The following SIMC1 variants were observed in gnomAD, a reference collection of about 807,000 sequenced individuals.
SIMC1 encodes SUMO-interacting motif-containing protein 1.
A neutral mutation model predicts 82.3 loss-of-function variants in SIMC1; 55 were observed. That is an observed-to-expected ratio of 0.67 (90% CI 0.54 to 0.84). The LOEUF is 0.84. Ranked by LOEUF, SIMC1 falls within the 40% of genes least tolerant of loss-of-function variation. The probability of loss-of-function intolerance (pLI) is 0.00; values close to 1 mark genes in which losing one functional copy is unlikely to be tolerated. For synonymous variants in SIMC1, 353 were observed against 426.3 expected (o/e 0.83, Z 2.12); for missense variants, 915 against 1,107.2 (o/e 0.83, Z 2.46).
Position 176,295,052 on chromosome 5 carries a change from C to T in SIMC1, c.1454C>T (p.Pro485Leu). Residue 485 changes from proline (P) to leucine (L), a missense_variant, in exon 3 of 10, where the codon CCC (proline) becomes CTC (leucine). Transcript: ENST00000429602. ...TRENKGQKLE[P>L]IPHRRLRMVT... is the part of the protein sequence containing the mutation. The stretch of plus-strand genomic sequence containing the variant: ...CAGAACAAGGGTCAAAAATTAGAAC[C>T]CATCCCTCATCGAAGACTAAGAATG... 1.9e-6 allele frequency: 3 copies of T among 1,613,104 alleles called. No homozygotes were observed. Among genetic ancestry groups the T allele is most frequent in the South Asian group, 1.1e-5 (1 of 91,014 alleles).
chr5:176,248,117 A>G (rs10061697), intron 1 of SIMC1, among the ~76,000 whole-genome samples: 88,880 of 151,696 alleles, frequency 0.59, 26,259 homozygotes, highest in Middle Eastern at 0.62. Flanking sequence ...TATGAACTTT[A>G]AAGTAGTTTT....
At chr5:176,330,243 A>AT (rs1765582803) in intron 7 of SIMC1, among the ~76,000 whole-genome samples, 1 of 152,136 alleles carries the variant, frequency 6.6e-6, no homozygotes, top group Non-Finnish European at 1.5e-5. Flanking sequence ...TCTACTAAAA[A>AT]TAAAAAAATT....
intron 5 of SIMC1, 35 bp downstream of exon 5, chr5:176,313,880 G>A: frequency 8.1e-6 from 13 of 1,611,484 alleles, no homozygotes; most frequent in Non-Finnish European, 1.1e-5. Flanking sequence ...ATGAGAAGAG[G>A]TAAGGGATTA....
intron 4 of SIMC1, among the ~76,000 whole-genome samples, chr5:176,312,181 T>C (rs1561715933): frequency 6.6e-6 from 1 of 152,228 alleles, no homozygotes; most frequent in Non-Finnish European, 1.5e-5. Context: ...TATTCTAGGA[T>C]ACTGGAGAAC....
chr5:176,306,909 A>T (rs1387989154), intron 4 of SIMC1, among the ~76,000 whole-genome samples: 2 of 83,718 alleles, frequency 2.4e-5, no homozygotes, highest in East Asian at 3.1e-4. Flanking sequence ...AATTATCAAT[A>T]AAAAAATAAA....
At chr5:176,293,747 C>CAA (rs531149436) in intron 2 of SIMC1, among the ~76,000 whole-genome samples, 12 of 111,134 alleles carry the variant, frequency 1.1e-4, no homozygotes, top group African/African-American at 2.8e-4. Flanking sequence ...GACTTCATCT[C>CAA]AAAAAAAAAA....
intron 1 of SIMC1, among the ~76,000 whole-genome samples, chr5:176,268,796 C>T (rs1762307292): frequency 6.6e-6 from 1 of 152,148 alleles, no homozygotes; most frequent in Admixed American, 6.5e-5. Context: ...AATCAAAGAT[C>T]TGAAAAACAC....
chr5:176,312,996 C>A (rs1034403242), intron 4 of SIMC1: 2 of 160,236 alleles, frequency 1.2e-5, no homozygotes, highest in Non-Finnish European at 2.7e-5. Context: ...AAATAAAGGA[C>A]AGAGCTAGGT....
At chr5:176,300,226 A>G (rs1763984185) in intron 4 of SIMC1, among the ~76,000 whole-genome samples, 1 of 152,248 alleles carries the variant, frequency 6.6e-6, no homozygotes, top group South Asian at 2.1e-4. Flanking sequence ...CTGAACCCAA[A>G]GTTAGCAGAG....
At chr5:176,271,793 A>AT (rs1324861290) in intron 1 of SIMC1, among the ~76,000 whole-genome samples, 12 of 150,192 alleles carry the variant, frequency 8.0e-5, no homozygotes, top group Non-Finnish European at 3.0e-5. Flanking sequence ...TGATGTGATT[A>AT]TTACACATTA....
At chr5:176,272,405 T>C (rs1762484233) in intron 1 of SIMC1, among the ~76,000 whole-genome samples, 1 of 150,952 alleles carries the variant, frequency 6.6e-6, no homozygotes, top group Non-Finnish European at 1.5e-5. Context: ...ACATACAGAT[T>C]GGAAAGGAAG....
At chr5:176,308,971 A>G (rs1764543396) in intron 4 of SIMC1, 1 of 919,094 alleles carries the variant, frequency 1.1e-6, no homozygotes, top group South Asian at 1.3e-5. Context: ...AATTGCAACA[A>G]GAAAAGGAAG....
rs750271869 is a variant in SIMC1, at chr5:176,345,200, G to A, written c.2431G>A (p.Val811Met). The change falls in exon 10 of 10, where the codon GTG (valine) becomes ATG (methionine). Residue 811 changes from valine to methionine, a missense_variant. By Grantham distance (21) the Val-to-Met change is conservative. Coordinates refer to ENST00000429602, the MANE Select transcript of SIMC1 (RefSeq NM_001308195.2). ...HVLREHLRSS[V>M]IDRKDLIIKR... ...TCTTGCAGAACACTTAAGGAGTTCCGTGATCGACCGAAAGGACTTAATAAT... is the reference window on the plus strand; with the variant it reads ...TCTTGCAGAACACTTAAGGAGTTCCATGATCGACCGAAAGGACTTAATAAT... The A allele has an allele frequency of 9.9e-6, 16 of 1,613,714 alleles. No homozygotes were observed. The highest frequency in any genetic ancestry group is 1.6e-4 in the Middle Eastern group (1 of 6,084).
chr5:176,249,280 A>C (rs1368208331), intron 1 of SIMC1, among the ~76,000 whole-genome samples: 1 of 151,860 alleles, frequency 6.6e-6, no homozygotes, highest in East Asian at 1.9e-4. Flanking sequence ...CAATTTCAGA[A>C]CTTGTTATTG....
chr5:176,313,189 G>A (rs1308859602), intron 4 of SIMC1: 65 of 906,660 alleles, frequency 7.2e-5, no homozygotes, highest in Non-Finnish European at 9.4e-5. Context: ...AAGTTCATCA[G>A]TAGAGTGGAC....
At chr5:176,246,606 T>G (rs1761456144) in intron 1 of SIMC1, among the ~76,000 whole-genome samples, 1 of 151,884 alleles carries the variant, frequency 6.6e-6, no homozygotes, top group Admixed American at 6.6e-5. Context: ...CCTAGCTAAT[T>G]TTTTATTTAT....
At chr5:176,265,878 C>T (rs1762190622) in intron 1 of SIMC1, among the ~76,000 whole-genome samples, 1 of 151,876 alleles carries the variant, frequency 6.6e-6, no homozygotes, top group Admixed American at 6.6e-5. Context: ...TACCTTATAG[C>T]TACCAAGGAT....
At chr5:176,259,789 A>G (rs947610934) in intron 1 of SIMC1, among the ~76,000 whole-genome samples, 2 of 151,634 alleles carry the variant, frequency 1.3e-5, no homozygotes, top group African/African-American at 2.4e-5. Context: ...AATAATAATC[A>G]TAAACTGTAA....
chr5:176,252,077 G>A (rs1024543886), intron 1 of SIMC1, among the ~76,000 whole-genome samples: 54 of 152,226 alleles, frequency 3.5e-4, no homozygotes, highest in African/African-American at 9.9e-4. Context: ...ATCATGGCCC[G>A]TTCTCAATGA....
Sources: gnomAD v4.1 joint callset for allele counts (sites outside exome capture counted in the v4.1 genomes callset) on GRCh38, gnomAD v4.1.1 for gene constraint, MANE v1.5 for transcripts, NCBI Gene and HGNC (gene_info 2026-07-23, HGNC 2026-07-21) for gene names.